Variants in ZBTB16 observed in about 807,000 individuals in gnomAD.
ZBTB16 encodes the protein zinc finger and BTB domain containing 16, also known as zinc finger and BTB domain-containing protein 16.
A neutral mutation model predicts 56.8 loss-of-function variants in ZBTB16; 8 were observed. The observed-to-expected ratio is 0.14, with a 90% CI of 0.08 to 0.25. The LOEUF (loss-of-function observed/expected upper bound fraction) is 0.25. ZBTB16 is among the 10% of genes least tolerant of loss of function. ZBTB16 has a pLI of 1.00. For missense variants in ZBTB16, 625 were observed against 903.0 expected (o/e 0.69, Z 3.95); for synonymous variants, 363 against 368.5 (o/e 0.98, Z 0.17).
intron 2 of ZBTB16, among the ~76,000 whole-genome samples, chr11:114,146,231 C>T (rs887686673): frequency 2.6e-5 from 4 of 151,946 alleles, no homozygotes; most frequent in Non-Finnish European, 4.4e-5. Flanking sequence ...TTCTTAGAGG[C>T]CTCTCTGTTC....
intron 2 of ZBTB16, among the ~76,000 whole-genome samples, chr11:114,119,980 A>G (rs1941296579): frequency 6.6e-6 from 1 of 152,172 alleles, no homozygotes; most frequent in African/African-American, 2.4e-5. Flanking sequence ...CGCCTTTCTT[A>G]GAGAAGGGAT....
intron 4 of ZBTB16, 96 bp from the exon 5 acceptor site, chr11:114,242,071 G>A: frequency 6.6e-7 from 1 of 1,507,558 alleles, no homozygotes; most frequent in Non-Finnish European, 9.1e-7. Context: ...GGGATTTGGA[G>A]GTGTGAGTCC....
At chr11:114,161,501 CA>C (rs1374318347) in intron 3 of ZBTB16, among the ~76,000 whole-genome samples, 2 of 152,040 alleles carry the variant, frequency 1.3e-5, no homozygotes, top group East Asian at 3.9e-4. Flanking sequence ...GTAATGTGTG[CA>C]AAGTGCTAAG....
chr11:114,196,935 T>C (rs1161149066), intron 4 of ZBTB16, among the ~76,000 whole-genome samples: 2 of 152,184 alleles, frequency 1.3e-5, no homozygotes, highest in Non-Finnish European at 2.9e-5. Context: ...AGGACTTGAA[T>C]GTGTGCCTTG....
At chr11:114,182,656 C>G (rs1384535749) in intron 3 of ZBTB16, among the ~76,000 whole-genome samples, 1 of 152,190 alleles carries the variant, frequency 6.6e-6, no homozygotes, top group Non-Finnish European at 1.5e-5. Flanking sequence ...GCTGCTAGGT[C>G]CATGCGCACC....
intron 4 of ZBTB16, among the ~76,000 whole-genome samples, chr11:114,201,210 G>A (rs1292145079): frequency 2.0e-5 from 3 of 152,156 alleles, no homozygotes; most frequent in Non-Finnish European, 4.4e-5. Flanking sequence ...CAGAGGCAGG[G>A]TAAGTAGAGG....
chr11:114,242,191 T>C lies in ZBTB16; in HGVS notation c.1478T>C (p.Leu493Pro). The C allele has an allele frequency of 6.2e-7, 1 of 1,613,810 alleles. No individual in the cohort carries two copies. The highest frequency in any genetic ancestry group is 8.5e-7 in the Non-Finnish European group (1 of 1,179,902). The part of the protein sequence containing the change: ...HTGTDMAVFC[L>P]LCGKRFQAQS... Reference sequence around the variant, plus strand: ...GGCACTGACATGGCCGTCTTCTGTCTGCTGTGTGGGAAGCGCTTCCAGGCG... The same window carrying C: ...GGCACTGACATGGCCGTCTTCTGTCCGCTGTGTGGGAAGCGCTTCCAGGCG... Residue 493 changes from leucine (L) to proline (P), a missense_variant, in exon 5 of 7, where the codon CTG (leucine) becomes CCG (proline). Transcript: ENST00000335953.
intron 2 of ZBTB16, among the ~76,000 whole-genome samples, chr11:114,155,730 G>C (rs1206967027): frequency 6.6e-6 from 1 of 152,216 alleles, no homozygotes. Flanking sequence ...GGGCCTTAGG[G>C]GAAAGGTGTG....
In ZBTB16 at chr11:114,064,610, G is replaced by T. The variant is rs2137656307; in HGVS notation, c.1268+42G>T. 6.2e-7 allele frequency: 1 copy of T among 1,608,112 alleles called. No homozygotes were observed. On this transcript the variant is annotated intron_variant, in intron 2 of 6. Coordinates refer to ENST00000335953, the MANE Select transcript of ZBTB16 (RefSeq NM_006006.6). This position sits in a 1 kb window ranked among gnomAD's most constrained non-coding sequence, Gnocchi z 4.2. Reference sequence around the variant, plus strand: ...CCCCGCACCTGATGTAGGACTTGAGGCCCTCACACCCCTCCTTCACACCCT... The same window carrying T: ...CCCCGCACCTGATGTAGGACTTGAGTCCCTCACACCCCTCCTTCACACCCT...
At chr11:114,098,665 G>A (rs181849282) in intron 2 of ZBTB16, among the ~76,000 whole-genome samples, 12 of 152,230 alleles carry the variant, frequency 7.9e-5, no homozygotes, top group Non-Finnish European at 1.3e-4. Flanking sequence ...GGGCCAAGAA[G>A]CAAGGGAAGA....
chr11:114,125,677 C>T (rs543430830), intron 2 of ZBTB16, among the ~76,000 whole-genome samples: 5 of 152,124 alleles, frequency 3.3e-5, no homozygotes, highest in East Asian at 3.9e-4. Flanking sequence ...CCAGATCAGT[C>T]GGACCTCCTG....
At chr11:114,212,670 T>G (rs1424483953) in intron 4 of ZBTB16, among the ~76,000 whole-genome samples, 1 of 152,178 alleles carries the variant, frequency 6.6e-6, no homozygotes, top group Non-Finnish European at 1.5e-5. Context: ...CGAAGCTGCT[T>G]TGGATGCCAA....
At chr11:114,092,798 C>T (rs1263445607) in intron 2 of ZBTB16, among the ~76,000 whole-genome samples, 1 of 152,126 alleles carries the variant, frequency 6.6e-6, no homozygotes, top group Non-Finnish European at 1.5e-5. Context: ...GGCCATGGTC[C>T]TTTTATGAGT....
chr11:114,075,248 T>C (rs2137681782), intron 2 of ZBTB16, among the ~76,000 whole-genome samples: 1 of 152,282 alleles, frequency 6.6e-6, no homozygotes, highest in East Asian at 1.9e-4. Flanking sequence ...AGAGGCTGTG[T>C]GACCGTGGCA....
Position 114,251,754 on chromosome 11 carries a change from A to AGGAGGAGCAGAAGGAGGG in ZBTB16, c.*1208_*1225dup. 6.6e-6 allele frequency among the ~76,000 whole-genome samples: 1 copy of AGGAGGAGCAGAAGGAGGG among 152,258 alleles called. No homozygotes were observed. The highest frequency in any genetic ancestry group is 2.4e-5 in the African/African-American group (1 of 41,554). ...TCGGTCCACAGTGGAGAGGAGGAGGAGGAGGAGCAGAAGGAGGGGGAGGAG... is the reference window on the plus strand; with the variant it reads ...TCGGTCCACAGTGGAGAGGAGGAGGAGGAGGAGCAGAAGGAGGGGGAGGAGCAGAAGGAGGGGGAGGAG... On this transcript the variant is annotated 3_prime_UTR_variant, in exon 7 of 7. Transcript: ENST00000335953.
chr11:114,132,356 A>C (rs771170821), intron 2 of ZBTB16, among the ~76,000 whole-genome samples: 3 of 152,132 alleles, frequency 2.0e-5, no homozygotes, highest in Non-Finnish European at 4.4e-5. Context: ...AGACTGATTG[A>C]TTTTCTGAAT....
At chr11:114,218,115 C>G (rs931367867) in intron 4 of ZBTB16, among the ~76,000 whole-genome samples, 2 of 151,894 alleles carry the variant, frequency 1.3e-5, no homozygotes, top group Non-Finnish European at 2.9e-5. Flanking sequence ...CACCCTCTTG[C>G]TTCCAGGGGG....
intron 4 of ZBTB16, among the ~76,000 whole-genome samples, chr11:114,215,696 G>C (rs138669213): frequency 6.7e-4 from 102 of 152,328 alleles, no homozygotes; most frequent in Non-Finnish European, 1.3e-3. Flanking sequence ...TCCATCTCTG[G>C]AGCTGCTTCA....
rs1565710254 is a variant in ZBTB16, at chr11:114,250,501, G to T, written c.1968G>T (p.Glu656Asp). The T allele has an allele frequency of 1.2e-6, 2 of 1,614,196 alleles. No individual in the cohort carries two copies. The highest frequency in any genetic ancestry group is 1.7e-6 in the Non-Finnish European group (2 of 1,180,028). The change falls in exon 7 of 7, where the codon GAG becomes GAT. Residue 656 changes from glutamate to aspartate, a missense_variant. Glu to Asp is a conservative substitution (Grantham distance 45). Coordinates refer to ENST00000335953, the MANE Select transcript of ZBTB16 (RefSeq NM_006006.6). The surrounding 1 kb of genome is among the most constrained non-coding windows in gnomAD (Gnocchi z 6.0). ...QKHMKGHKPE[E>D]IPPDWRIEKT... ...ACATGAAGGGCCACAAGCCCGAGGA[G>T]ATCCCGCCCGACTGGAGGATAGAGA...
Sources: gnomAD v4.1 joint callset for allele counts (sites outside exome capture counted in the v4.1 genomes callset) on GRCh38, gnomAD v4.1.1 for gene constraint, Gnocchi (gnomAD v3.1) non-coding constraint, MANE v1.5 for transcripts, NCBI Gene and HGNC (gene_info 2026-07-23, HGNC 2026-07-21) for gene names.